The following CCDC47 variants were observed in gnomAD, a reference collection of about 807,000 sequenced individuals.
CCDC47 encodes PAT complex subunit CCDC47.
Under a neutral mutation model 60.5 loss-of-function variants are expected in CCDC47, and 41 were observed. The observed-to-expected ratio is 0.68, with a 90% confidence interval of 0.53 to 0.88. CCDC47 has a LOEUF of 0.88. Among genes scored for constraint, CCDC47 ranks in the 40% least tolerant of loss-of-function variants. CCDC47 has a pLI of 0.00. For synonymous variants in CCDC47, 195 were observed against 190.7 expected (o/e 1.02, Z -0.18); for missense variants, 513 against 580.9 (o/e 0.88, Z 1.20).
Position 63,759,515 on chromosome 17 carries a change from ATATATATATATTT to A in CCDC47, c.735+1386_735+1398del, listed in dbSNP as rs1568249089. Reference sequence around the variant, plus strand: ...CAAAAAAAAAAAAAAAAAAATATATATATATATATATTTATATATATATATATATATATATATA... The same window carrying A: ...CAAAAAAAAAAAAAAAAAAATATATAATATATATATATATATATATATATA... On this transcript the variant is annotated intron_variant, in intron 6 of 12. Transcript: ENST00000225726. Among the ~76,000 whole-genome samples the A allele has an allele frequency of 1.6e-3, 27 of 16,614 alleles. 5 individuals carry two copies. Among genetic ancestry groups the A allele is most frequent in the African/African-American group, 0.014 (16 of 1,132 alleles). The allele number at this position is 16,614 out of a possible 152,430, so 10.9% of individuals were successfully genotyped here. A position where few individuals can be genotyped will look rare whatever the true frequency, so the allele number is the denominator to read the frequency against.
chr17:63,764,392 C>T (rs748135912), intron 3 of CCDC47, among the ~76,000 whole-genome samples: 5 of 152,150 alleles, frequency 3.3e-5, no homozygotes, highest in Admixed American at 6.6e-5. Flanking sequence ...AATATAAGGA[C>T]AATCAAATGG....
chr17:63,752,168 C>T lies in CCDC47; in HGVS notation c.1204-61G>A, dbSNP rs538374648. 2.8e-5 allele frequency: 44 copies of T among 1,577,464 alleles called. No homozygotes were observed. In the African/African-American group the frequency reaches 5.4e-4, roughly 19 times the overall value. On this transcript the variant is annotated intron_variant, in intron 11 of 12. Coordinates refer to ENST00000225726, the MANE Select transcript of CCDC47 (RefSeq NM_020198.3). ...ATTTCTAGTCAACAGCAACAAAATC[C>T]CGTTTAGCATTCTTTCATAAAACTA...
chr17:63,769,507 G>C (rs1379717121), intron 1 of CCDC47, among the ~76,000 whole-genome samples: 4 of 151,512 alleles, frequency 2.6e-5, no homozygotes, highest in Non-Finnish European at 5.9e-5. Context: ...CCAGCTACTT[G>C]GGAGGCTGAG....
rs751972371 is a variant in CCDC47 at position 63,751,950 on chromosome 17, C to A, written c.1361G>T (p.Arg454Leu). 4.3e-6 allele frequency: 7 copies of A among 1,613,596 alleles called. No individual in the cohort carries two copies. Among genetic ancestry groups the A allele is most frequent in the African/African-American group, 4.0e-5 (3 of 74,900 alleles). The change falls in exon 12 of 13, where the codon CGC (arginine) becomes CTC (leucine). Residue 454 changes from arginine (R) to leucine (L), a missense_variant. By Grantham distance (102) the Arg-to-Leu change is moderately radical (BLOSUM62 -2). Coordinates refer to ENST00000225726, the MANE Select transcript of CCDC47 (RefSeq NM_020198.3). The part of the protein sequence containing the change: ...IMNEEDPEKQ[R>L]RLEEAALRRE... ...ATAAGTTTGTCTAACCTCCAGCCTG[C>A]GCTGTTTCTCAGGATCTTCCTCATT...
At chr17:63,764,661 A>T in intron 3 of CCDC47, 79 bp downstream of exon 3, 2 of 1,266,742 alleles carry the variant, frequency 1.6e-6, no homozygotes, top group Non-Finnish European at 2.2e-6. Flanking sequence ...CACCAGCTAT[A>T]CATCATTAAT....
At position 63,760,894 on chromosome 17, in the gene CCDC47, C is replaced by A. The variant is rs1272243587; in HGVS notation, c.735+20G>T. 2 of 1,558,680 alleles carry A rather than the reference C, an allele frequency of 1.3e-6. No individual in the cohort carries two copies. The highest frequency in any genetic ancestry group is 1.8e-6 in the Non-Finnish European group (2 of 1,134,928). Reference sequence around the variant, plus strand: ...AATAATTCAGTCTGTACACAGAAAACCAGCGGGAAGAATACATACCACTTG... The same window carrying A: ...AATAATTCAGTCTGTACACAGAAAAACAGCGGGAAGAATACATACCACTTG... On this transcript the variant is annotated intron_variant, in intron 6 of 12. Coordinates refer to ENST00000225726, the MANE Select transcript of CCDC47 (RefSeq NM_020198.3).
At chr17:63,760,218 G>A (rs1002901449) in intron 6 of CCDC47, among the ~76,000 whole-genome samples, 1 of 151,802 alleles carries the variant, frequency 6.6e-6, no homozygotes, top group Non-Finnish European at 1.5e-5. Flanking sequence ...GGCCAGAAAC[G>A]TATTATTTGA....
chr17:63,748,458 CTT>C (rs1387467644), intron 12 of CCDC47, among the ~76,000 whole-genome samples: 2 of 150,948 alleles, frequency 1.3e-5, no homozygotes, highest in East Asian at 3.9e-4. Flanking sequence ...GAGTTTCGCT[CTT>C]GTTCCCCAGG....
At position 63,766,122 on chromosome 17, in the gene CCDC47, A is replaced by G; in HGVS notation, c.54T>C (p.Ser18=). The change falls in exon 2 of 13, where the codon TCT becomes TCC. Residue 18 remains serine, a synonymous_variant. Coordinates refer to ENST00000225726, the MANE Select transcript of CCDC47 (RefSeq NM_020198.3). ...CCTCAAAATCATCAAACTTGGCTTCAGAGACACTCCCAAACACCAGAAGGA... is the reference window on the plus strand; with the variant it reads ...CCTCAAAATCATCAAACTTGGCTTCGGAGACACTCCCAAACACCAGAAGGA... ...CVVLLVFGSV[S]EAKFDDFEDE... 6.2e-7 allele frequency: 1 copy of G among 1,614,122 alleles called. No homozygotes were observed. The highest frequency in any genetic ancestry group is 8.5e-7 in the Non-Finnish European group (1 of 1,180,002).
rs2039257764 is a variant in CCDC47 at position 63,761,294 on chromosome 17, T to C, written c.605A>G (p.Glu202Gly). ...TSTGKLNQEN[E>G]HIYNLWCSGR... ...AGAACACCACAGGTTATAGATGTGC[T>C]CATTCTCCTGGTTCAACTTTCCTGT... The change falls in exon 5 of 13, where the codon GAG becomes GGG. Residue 202 changes from glutamate to glycine, a missense_variant. Coordinates refer to ENST00000225726, the MANE Select transcript of CCDC47 (RefSeq NM_020198.3). 6 of 1,613,932 alleles carry C rather than the reference T, an allele frequency of 3.7e-6. No individual in the cohort carries two copies. Among genetic ancestry groups the C allele is most frequent in the African/African-American group, 1.3e-5 (1 of 74,884 alleles).
chr17:63,757,897 G>A (rs1317146509), intron 6 of CCDC47, among the ~76,000 whole-genome samples: 1 of 152,070 alleles, frequency 6.6e-6, no homozygotes, highest in Non-Finnish European at 1.5e-5. Context: ...GGATGGTGCC[G>A]ATAACCAGAA....
intron 4 of CCDC47, 23 bp from the exon 5 acceptor site, chr17:63,761,374 T>G: frequency 6.2e-7 from 1 of 1,613,330 alleles, no homozygotes; most frequent in Non-Finnish European, 8.5e-7. Context: ...CCACTTAATG[T>G]GACTCAACAG....
chr17:63,772,039 G>T (rs1003065008), intron 1 of CCDC47, among the ~76,000 whole-genome samples: 1 of 151,840 alleles, frequency 6.6e-6, no homozygotes, highest in Non-Finnish European at 1.5e-5. Context: ...CCAAGATTGC[G>T]CCACTGCACT....
At chr17:63,756,049 T>C (rs1334448228) in intron 8 of CCDC47, among the ~76,000 whole-genome samples, 191 bp downstream of exon 8, 1 of 152,202 alleles carries the variant, frequency 6.6e-6, no homozygotes, top group Non-Finnish European at 1.5e-5. Flanking sequence ...TTAGAGAACT[T>C]CTTGACTAAT....
chr17:63,769,706 GGAA>G (rs1377813345), intron 1 of CCDC47, among the ~76,000 whole-genome samples: 2 of 151,536 alleles, frequency 1.3e-5, no homozygotes, highest in East Asian at 1.9e-4. Context: ...GAGGCACAAC[GGAA>G]GAAGAATAAT....
chr17:63,758,229 A>G (rs187817610), intron 6 of CCDC47, among the ~76,000 whole-genome samples: 31 of 152,360 alleles, frequency 2.0e-4, no homozygotes, highest in African/African-American at 7.0e-4. Flanking sequence ...TGGGGAGGTC[A>G]TAGGAACCCG....
rs919404844 is a variant in CCDC47, at chr17:63,745,480, A to C, written c.*1401T>G. ...AAAGTAATTAAGTTTTATGTTAGTT[A>C]TTTTAATAACAACTTCATGAACTGT... On this transcript the variant is annotated 3_prime_UTR_variant, in exon 13 of 13. Coordinates refer to ENST00000225726, the MANE Select transcript of CCDC47 (RefSeq NM_020198.3). 3.9e-5 allele frequency: 6 copies of C among 152,252 alleles called. No individual in the cohort carries two copies. The highest frequency in any genetic ancestry group is 1.4e-4 in the African/African-American group (6 of 41,474). The allele number at this position is 152,252 out of a possible 1,614,324, so 9.4% of individuals were successfully genotyped here.
chr17:63,761,566 G>C (rs140369630), intron 4 of CCDC47: 1 of 340,324 alleles, frequency 2.9e-6, no homozygotes. Flanking sequence ...GCATGGTGGC[G>C]CGTACCTGTA....
chr17:63,764,713 T>C, intron 3 of CCDC47, 27 bp downstream of exon 3: 6 of 1,583,274 alleles, frequency 3.8e-6, no homozygotes, highest in Non-Finnish European at 5.2e-6. Flanking sequence ...GTTGTTTAGT[T>C]GGGAATTCAG....
Sources: gnomAD v4.1 joint callset for allele counts (sites outside exome capture counted in the v4.1 genomes callset) on GRCh38, gnomAD v4.1.1 for gene constraint, MANE v1.5 for transcripts, NCBI Gene and HGNC (gene_info 2026-07-23, HGNC 2026-07-21) for gene names.